The following FAM234B variants were observed in gnomAD, a reference collection of about 807,000 sequenced individuals.
FAM234B encodes the protein family with sequence similarity 234 member B.
FAM234B carries 33 observed loss-of-function variants against 69.3 expected under a neutral mutation model. That is an observed-to-expected ratio of 0.48 (90% CI 0.36 to 0.64). The LOEUF is 0.64. Among genes scored for constraint, FAM234B ranks in the 30% least tolerant of loss-of-function variants. The pLI is 0.00. For synonymous variants in FAM234B, 306 were observed against 306.9 expected (o/e 1.00, Z 0.03); for missense variants, 697 against 769.7 (o/e 0.91, Z 1.12).
At position 13,044,677 on chromosome 12, in the gene FAM234B, G is replaced by A. The variant is rs532794446; in HGVS notation, c.37+237G>A. Among the ~76,000 whole-genome samples the A allele has an allele frequency of 1.1e-4, 16 of 152,344 alleles. No homozygotes were observed. Among genetic ancestry groups the A allele is most frequent in the Admixed American group, 1.0e-3 (16 of 15,308 alleles). Reference sequence around the variant, plus strand: ...CGGGGCGAACCCGGAGACGCGCGGGGAGAGGGCGCCGAGCAGGTGTTACGG... The same window carrying A: ...CGGGGCGAACCCGGAGACGCGCGGGAAGAGGGCGCCGAGCAGGTGTTACGG... On this transcript the variant is annotated intron_variant, in intron 1 of 12. Transcript: ENST00000197268. This position sits in a 1 kb window ranked among gnomAD's most constrained non-coding sequence, Gnocchi z 5.6.
intron 1 of FAM234B, among the ~76,000 whole-genome samples, chr12:13,053,474 A>G (rs1170567876): frequency 6.6e-6 from 1 of 152,148 alleles, no homozygotes; most frequent in Non-Finnish European, 1.5e-5. Flanking sequence ...GGAATTTTAT[A>G]GCTGGGCCTC....
intron 11 of FAM234B, among the ~76,000 whole-genome samples, chr12:13,077,111 G>T (rs1253158593): frequency 6.6e-6 from 1 of 152,118 alleles, no homozygotes; most frequent in Admixed American, 6.6e-5. Flanking sequence ...GGGGGTGGGG[G>T]CAGGGAGGTA....
At chr12:13,047,425 T>G (rs1232375580) in intron 1 of FAM234B, among the ~76,000 whole-genome samples, 1 of 152,182 alleles carries the variant, frequency 6.6e-6, no homozygotes, top group Non-Finnish European at 1.5e-5. Flanking sequence ...TTATTTACCT[T>G]TAGTTGCAGT....
chr12:13,068,471 G>C, intron 8 of FAM234B, 24 bp downstream of exon 8: 1 of 1,610,800 alleles, frequency 6.2e-7, no homozygotes. Flanking sequence ...TCCTTCTTGT[G>C]TTTGCTGTTT....
intron 7 of FAM234B, among the ~76,000 whole-genome samples, chr12:13,068,092 T>G (rs1229146716): frequency 3.3e-5 from 5 of 152,350 alleles, no homozygotes; most frequent in African/African-American, 1.2e-4. Flanking sequence ...CCTTTTGAAC[T>G]TGTATGGAAT....
At chr12:13,062,570 T>G in intron 4 of FAM234B, 1 of 286,180 alleles carries the variant, frequency 3.5e-6, no homozygotes, top group South Asian at 5.6e-5. Context: ...AGTGAGCCCT[T>G]CTTTGTTGGA....
chr12:13,064,103 C>A (rs1317392282), intron 5 of FAM234B, among the ~76,000 whole-genome samples: 1 of 152,152 alleles, frequency 6.6e-6, no homozygotes, highest in Admixed American at 6.5e-5. Flanking sequence ...CTCTAGCACA[C>A]TAAACTCTCC....
intron 11 of FAM234B, 26 bp downstream of exon 11, chr12:13,076,169 T>C (rs1203605139): frequency 6.7e-7 from 1 of 1,490,034 alleles, no homozygotes; most frequent in East Asian, 2.3e-5. Flanking sequence ...AGCGGGAGTC[T>C]GTGTACGCAG....
At position 13,054,711 on chromosome 12, in the gene FAM234B, C is replaced by T. The variant is rs576400757; in HGVS notation, c.38-840C>T. ...GTAACATGAAATAAAGGCATAAAATCATTCAGTCATTGGCAGTGAGGCCAA... is the reference window on the plus strand; with the variant it reads ...GTAACATGAAATAAAGGCATAAAATTATTCAGTCATTGGCAGTGAGGCCAA... On this transcript the variant is annotated intron_variant, in intron 1 of 12. Transcript: ENST00000197268. 1.2e-4 allele frequency among the ~76,000 whole-genome samples: 18 copies of T among 152,310 alleles called. No homozygotes were observed. In the South Asian group the frequency reaches 3.7e-3, roughly 32 times the overall value.
At chr12:13,057,078 G>A (rs7963271) in intron 2 of FAM234B, among the ~76,000 whole-genome samples, 35,823 of 150,822 alleles carry the variant, frequency 0.24, 5,196 homozygotes, top group East Asian at 0.53. Flanking sequence ...CCCGCGTTCA[G>A]GTGATTTTTG....
rs764275413 is a variant in FAM234B, at chr12:13,058,569, C to T, written c.532+20C>T. The T allele has an allele frequency of 8.2e-6, 13 of 1,577,214 alleles. No individual in the cohort carries two copies. Among genetic ancestry groups the T allele is most frequent in the Non-Finnish European group, 1.0e-5 (12 of 1,148,250 alleles). On this transcript the variant is annotated intron_variant, in intron 3 of 12. Transcript: ENST00000197268. ...CAGTAGGTAAGAGACGTGTTTTTTT[C>T]AAGGCTGCTACAGGGGCACTGTCAG...
rs992428112 is a variant in FAM234B, at chr12:13,044,600, C to G, written c.37+160C>G. ...GTGCAGTCCCTTGGGGCTGGGGTCT[C>G]TGTGCCACCAGAGGGCGAGAGGGGC... On this transcript the variant is annotated intron_variant, in intron 1 of 12. Transcript: ENST00000197268. The surrounding 1 kb of genome is among the most constrained non-coding windows in gnomAD (Gnocchi z 5.6). 2.0e-5 allele frequency among the ~76,000 whole-genome samples: 3 copies of G among 152,212 alleles called. No individual in the cohort carries two copies. Among genetic ancestry groups the G allele is most frequent in the Non-Finnish European group, 2.9e-5 (2 of 68,038 alleles).
Position 13,079,784 on chromosome 12 carries a change from C to T in FAM234B, c.1643-5C>T. On this transcript the variant is annotated splice_region_variant and splice_polypyrimidine_tract_variant and intron_variant, in intron 11 of 12. Coordinates refer to ENST00000197268, the MANE Select transcript of FAM234B (RefSeq NM_020853.2). Reference sequence around the variant, plus strand: ...TTAACTGCTCTTGTTTTTGTCCTTCCTCAGTTGGAATTAACGACCTCTGGA... The same window carrying T: ...TTAACTGCTCTTGTTTTTGTCCTTCTTCAGTTGGAATTAACGACCTCTGGA... The T allele has an allele frequency of 6.2e-7, 1 of 1,601,402 alleles. No individual in the cohort carries two copies. Among genetic ancestry groups the T allele is most frequent in the Non-Finnish European group, 8.6e-7 (1 of 1,169,430 alleles).
chr12:13,067,822 T>C lies in FAM234B; in HGVS notation c.1143-482T>C, dbSNP rs1011502819. 6.6e-6 allele frequency among the ~76,000 whole-genome samples: 1 copy of C among 152,216 alleles called. No individual in the cohort carries two copies. ...ATTCTTTCCTACCAGAAGTTCCAAA[T>C]CATTTTCTAGCATTTTCTTAGGCAG... On this transcript the variant is annotated intron_variant, in intron 7 of 12. Coordinates refer to ENST00000197268, the MANE Select transcript of FAM234B (RefSeq NM_020853.2). This position sits in a 1 kb window ranked among gnomAD's most constrained non-coding sequence, Gnocchi z 4.7.
At position 13,082,583 on chromosome 12, in the gene FAM234B, T is replaced by C. The variant is rs971753147; in HGVS notation, c.*1953T>C. Reference sequence around the variant, plus strand: ...TTCCAGATAATTTCTGGGATTTGAATCTACTTGAGTTTAAGGGCCTGGGAC... The same window carrying C: ...TTCCAGATAATTTCTGGGATTTGAACCTACTTGAGTTTAAGGGCCTGGGAC... On this transcript the variant is annotated 3_prime_UTR_variant, in exon 13 of 13. Transcript: ENST00000197268. The C allele has an allele frequency of 6.6e-6, 1 of 152,230 alleles. No homozygotes were observed. Among genetic ancestry groups the C allele is most frequent in the Non-Finnish European group, 1.5e-5 (1 of 68,038 alleles). The allele number at this position is 152,230 out of a possible 1,614,324, so 9.4% of individuals were successfully genotyped here. A position where few individuals can be genotyped will look rare whatever the true frequency, so the allele number is the denominator to read the frequency against.
chr12:13,068,953 A>G (rs1173148741), intron 9 of FAM234B, among the ~76,000 whole-genome samples: 1 of 152,108 alleles, frequency 6.6e-6, no homozygotes, highest in East Asian at 1.9e-4. Flanking sequence ...TTGGATCCCT[A>G]GCTTACAGTT....
At chr12:13,065,806 C>G (rs903912637) in intron 5 of FAM234B, among the ~76,000 whole-genome samples, 1 of 152,190 alleles carries the variant, frequency 6.6e-6, no homozygotes, top group Admixed American at 6.5e-5. Flanking sequence ...GTATTGATCC[C>G]ATAAGTACCT....
intron 1 of FAM234B, among the ~76,000 whole-genome samples, chr12:13,051,398 G>C (rs944671970): frequency 1.3e-5 from 2 of 152,216 alleles, no homozygotes; most frequent in Admixed American, 1.3e-4. Flanking sequence ...TGACTAGCAA[G>C]ATTGAATTTG....
rs189137847 is a variant in FAM234B, at chr12:13,064,788, A to G, written c.852+1813A>G. ...CTGCCAGCAACAAGGGACCCCAGGA[A>G]CCTGTATAAGCTCCTGAGATGGAAG... On this transcript the variant is annotated intron_variant, in intron 5 of 12. Transcript: ENST00000197268. Among the ~76,000 whole-genome samples, 5 of 152,192 alleles carry G rather than the reference A, an allele frequency of 3.3e-5. No individual in the cohort carries two copies. In the East Asian group the frequency reaches 9.7e-4, roughly 29 times the overall value.
Sources: allele counts gnomAD v4.1 joint callset (sites outside exome capture counted in the v4.1 genomes callset), GRCh38; gene constraint gnomAD v4.1.1; non-coding constraint Gnocchi (gnomAD v3.1); transcripts MANE v1.5; gene names NCBI Gene and HGNC (gene_info 2026-07-23, HGNC 2026-07-21).